Variants in LTN1 observed in about 807,000 individuals in gnomAD.
The protein encoded by LTN1 is E3 ubiquitin-protein ligase listerin.
LTN1 carries 88 observed loss-of-function variants against 201.2 expected under a neutral mutation model. The observed-to-expected ratio is 0.44, with a 90% CI of 0.37 to 0.52. LTN1 has a LOEUF of 0.52. Ranked by LOEUF, LTN1 falls within the 20% of genes least tolerant of loss-of-function variation. The pLI, the probability that LTN1 is intolerant of heterozygous loss-of-function variation, is 0.00. For synonymous variants in LTN1, 645 were observed against 713.5 expected (o/e 0.90, Z 1.53); for missense variants, 1,752 against 2,038.7 (o/e 0.86, Z 2.71).
intron 17 of LTN1, 37 bp downstream of exon 17, chr21:28,953,180 A>G (rs1568841189): frequency 6.7e-7 from 1 of 1,492,342 alleles, no homozygotes; most frequent in Non-Finnish European, 8.9e-7. Flanking sequence ...AAGAAGTAGC[A>G]TAGTCATTTT....
At chr21:28,951,106 T>C (rs192216410) in intron 18 of LTN1, among the ~76,000 whole-genome samples, 12 of 136,596 alleles carry the variant, frequency 8.8e-5, no homozygotes, top group African/African-American at 3.2e-4. Context: ...TTGGTTGTAA[T>C]ACTATGCTAA....
chr21:28,946,802 C>A (rs1177556473), intron 19 of LTN1, among the ~76,000 whole-genome samples: 2 of 152,096 alleles, frequency 1.3e-5, no homozygotes, highest in Non-Finnish European at 2.9e-5. Flanking sequence ...ACCCTCTGTC[C>A]CCAACCTTCT....
intron 25 of LTN1, among the ~76,000 whole-genome samples, chr21:28,937,209 T>C (rs1319421158): frequency 6.6e-6 from 1 of 152,150 alleles, no homozygotes; most frequent in Non-Finnish European, 1.5e-5. Flanking sequence ...GTGGGAGCAC[T>C]GCAGGTATCT....
intron 18 of LTN1, among the ~76,000 whole-genome samples, chr21:28,948,008 T>C (rs894953768): frequency 1.3e-4 from 20 of 151,232 alleles, no homozygotes; most frequent in African/African-American, 3.4e-4. Context: ...CTGGCGAACA[T>C]AGTGATACCC....
At chr21:28,988,683 T>C (rs2084720764) in intron 1 of LTN1, among the ~76,000 whole-genome samples, 1 of 151,102 alleles carries the variant, frequency 6.6e-6, no homozygotes, top group Admixed American at 6.6e-5. Context: ...ATTAAGAAAA[T>C]AGGTCAGGCG....
At chr21:28,988,564 G>A (rs1308057989) in intron 1 of LTN1, among the ~76,000 whole-genome samples, 1 of 151,974 alleles carries the variant, frequency 6.6e-6, no homozygotes, top group Non-Finnish European at 1.5e-5. Context: ...TGAACTGAGT[G>A]AACAGGAAAG....
At chr21:28,931,033 C>A in intron 29 of LTN1, 122 bp downstream of exon 29, 1 of 611,688 alleles carries the variant, frequency 1.6e-6, no homozygotes, top group Non-Finnish European at 2.7e-6. Context: ...AAGTTTAACA[C>A]ACATTTTCTC....
chr21:28,969,315 TG>T, intron 9 of LTN1, 150 bp downstream of exon 9: 1 of 558,482 alleles, frequency 1.8e-6, no homozygotes, highest in Non-Finnish European at 3.0e-6. Context: ...TTTACTTATC[TG>T]GTCAGAAATA....
intron 3 of LTN1, among the ~76,000 whole-genome samples, chr21:28,985,128 T>C (rs1042240617): frequency 6.6e-6 from 1 of 152,138 alleles, no homozygotes; most frequent in Non-Finnish European, 1.5e-5. Context: ...TCTCCCCTTC[T>C]CCCAATGAGA....
chr21:28,966,315 C>T (rs2084521900), intron 10 of LTN1, 55 bp downstream of exon 10: 3 of 1,376,388 alleles, frequency 2.2e-6, no homozygotes, highest in African/African-American at 1.5e-5. Context: ...AATAAGCAGG[C>T]TCATTCTACT....
At position 28,984,803 on chromosome 21, in the gene LTN1, C is replaced by CCA; in HGVS notation, c.464_465insTG (p.Gln155HisfsTer30). 1 of 1,614,110 alleles carries CCA rather than the reference C, an allele frequency of 6.2e-7. No individual in the cohort carries two copies. On this transcript the variant is annotated frameshift_variant, in exon 4 of 30. Coordinates refer to ENST00000361371, the MANE Select transcript of LTN1 (RefSeq NM_015565.3). LOFTEE classifies it high-confidence loss of function. ...ACGCAGCTGGTGTGTAAGTATCACA[C>CCA]TGAGCCATTAGCCAATATCCCATTA...
chr21:28,955,446 C>A (rs1194704128), intron 16 of LTN1, among the ~76,000 whole-genome samples: 1 of 152,140 alleles, frequency 6.6e-6, no homozygotes, highest in Non-Finnish European at 1.5e-5. Context: ...AGAACTATCA[C>A]ACAATCCAGC....
intron 23 of LTN1, 35 bp downstream of exon 23, chr21:28,943,632 C>T: frequency 7.1e-7 from 1 of 1,413,558 alleles, no homozygotes; most frequent in Non-Finnish European, 1.0e-6. Context: ...TTTTTTAGAC[C>T]ACTGTAACAT....
chr21:28,975,851 C>T (rs1467966334), intron 6 of LTN1, among the ~76,000 whole-genome samples: 1 of 152,202 alleles, frequency 6.6e-6, no homozygotes, highest in Non-Finnish European at 1.5e-5. Flanking sequence ...AATTCCTCTC[C>T]TTACTCAAGA....
At chr21:28,947,393 A>T in intron 19 of LTN1, 71 bp downstream of exon 19, 1 of 1,251,704 alleles carries the variant, frequency 8.0e-7, no homozygotes, top group Non-Finnish European at 1.1e-6. Context: ...ATGTGGTCTT[A>T]TATATTAGAA....
At position 28,966,645 on chromosome 21, in the gene LTN1, A is replaced by G. The variant is rs1237211246; in HGVS notation, c.1846T>C (p.Phe616Leu). 1.2e-6 allele frequency: 2 copies of G among 1,613,866 alleles called. No homozygotes were observed. The highest frequency in any genetic ancestry group is 2.7e-5 in the African/African-American group (2 of 74,896). The change falls in exon 10 of 30, where the codon TTT (phenylalanine) becomes CTT (leucine). Residue 616 changes from phenylalanine (F) to leucine (L), a missense_variant. This residue lies in a region of LTN1 where 1,211 missense variants were observed against 1,312.8 expected (regional missense o/e 0.92). Transcript: ENST00000361371. ...AAGGAGTCAAGCAGAGTAGAAAGAA[A>G]CCTTAGATGTTGCTCTGACTTTCGT... is the stretch of plus-strand genomic sequence containing the variant. ...NERKSEQHLR[F>L]LSTLLDSFSS...
Position 28,935,310 on chromosome 21 carries a change from G to A in LTN1, c.4674C>T (p.Tyr1558=). 1 of 1,613,148 alleles carries A rather than the reference G, an allele frequency of 6.2e-7. No homozygotes were observed. Among genetic ancestry groups the A allele is most frequent in the Non-Finnish European group, 8.5e-7 (1 of 1,179,264 alleles). ...CTGAACAAGCCAAGTGTGGAATGTG[G>A]TATGGAAGCATTGTTGTTTCTGAGG... The part of the protein sequence containing the change: ...LSIRETTMLP[Y]HIPHLACSVY... The change falls in exon 27 of 30, where the codon TAC becomes TAT. Residue 1558 remains tyrosine, a synonymous_variant. Transcript: ENST00000361371.
At chr21:28,939,282 G>A (rs192777327) in intron 25 of LTN1, among the ~76,000 whole-genome samples, 1 of 152,272 alleles carries the variant, frequency 6.6e-6, no homozygotes, top group Admixed American at 6.5e-5. Flanking sequence ...ATTCGCTGGG[G>A]TGGGGGTCAT....
intron 12 of LTN1, chr21:28,959,912 G>A (rs1364531964): frequency 3.0e-6 from 1 of 329,022 alleles, no homozygotes; most frequent in Admixed American, 7.7e-5. Flanking sequence ...ATGGTCTACA[G>A]TTAGGGTGAG....
Sources: allele counts gnomAD v4.1 joint callset (sites outside exome capture counted in the v4.1 genomes callset), GRCh38; gene constraint gnomAD v4.1.1; regional missense constraint gnomAD v4.1.1; transcripts MANE v1.5; gene names NCBI Gene and HGNC (gene_info 2026-07-23, HGNC 2026-07-21).